The following CNKSR1 variants were observed in gnomAD, a reference collection of about 807,000 sequenced individuals.
CNKSR1 encodes CNK homolog protein 1.
Under a neutral mutation model 95.6 loss-of-function variants are expected in CNKSR1, and 88 were observed. That is an observed-to-expected ratio of 0.92 (90% CI 0.78 to 1.10). CNKSR1 has a LOEUF of 1.10. Among genes scored for constraint, CNKSR1 ranks in the 50% least tolerant of loss-of-function variants. The probability of loss-of-function intolerance (pLI) is 0.00; values close to 1 mark genes in which losing one functional copy is unlikely to be tolerated. For missense variants in CNKSR1, 836 were observed against 912.0 expected (o/e 0.92, Z 1.07); for synonymous variants, 355 against 369.7 (o/e 0.96, Z 0.46).
In CNKSR1 at chr1:26,185,186, G is replaced by C. The variant is rs1331244931; in HGVS notation, c.1308G>C (p.Gln436His). ...GHTLYWYRQP[Q>H]DEKAEGLINV... ...CGCTCTACTGGTACCGCCAGCCCCAGGTAAGACCCCATACACAAAAACAGG... is the reference window on the plus strand; with the variant it reads ...CGCTCTACTGGTACCGCCAGCCCCACGTAAGACCCCATACACAAAAACAGG... Residue 436 changes from glutamine (Q) to histidine (H), a missense_variant and splice_region_variant, in exon 14 of 21, where the codon CAG becomes CAC. Coordinates refer to ENST00000361530, the MANE Select transcript of CNKSR1 (RefSeq NM_006314.3). The C allele has an allele frequency of 1.9e-6, 3 of 1,552,660 alleles. No homozygotes were observed. The highest frequency in any genetic ancestry group is 2.4e-5 in the South Asian group (2 of 84,300).
chr1:26,189,215 T>C (rs912267479), intron 20 of CNKSR1, 64 bp from the exon 21 acceptor site: 1 of 1,594,504 alleles, frequency 6.3e-7, no homozygotes, highest in Non-Finnish European at 8.6e-7. Context: ...GAGTGAAGTC[T>C]GGCCTCGGGC....
At chr1:26,184,879 A>T in intron 13 of CNKSR1, 135 bp from the exon 14 acceptor site, 1 of 958,418 alleles carries the variant, frequency 1.0e-6, no homozygotes, top group Non-Finnish European at 1.5e-6. Context: ...CACCTCAGAG[A>T]TGACACATGT....
intron 12 of CNKSR1, 26 bp downstream of exon 12, chr1:26,184,533 G>T: frequency 6.2e-7 from 1 of 1,607,406 alleles, no homozygotes; most frequent in Non-Finnish European, 8.5e-7. Flanking sequence ...TAGCAAGGGG[G>T]TGGGTGGGTC....
intron 16 of CNKSR1, 135 bp downstream of exon 16, chr1:26,187,617 T>TCA: frequency 1.4e-6 from 1 of 709,470 alleles, no homozygotes; most frequent in Non-Finnish European, 2.3e-6. Context: ...CACTTCTCTT[T>TCA]CTCTTTTTTT....
intron 3 of CNKSR1, chr1:26,181,505 T>G (rs2088647502): frequency 3.6e-6 from 1 of 275,936 alleles, no homozygotes. Context: ...CCTTCCCTGT[T>G]GTACACTCTC....
intron 1 of CNKSR1, among the ~76,000 whole-genome samples, chr1:26,179,547 G>A (rs1022561423): frequency 6.6e-6 from 1 of 152,138 alleles, no homozygotes; most frequent in Non-Finnish European, 1.5e-5. Flanking sequence ...ATCATACAGG[G>A]CCTGTAGGTC....
In CNKSR1 at chr1:26,188,954, G is replaced by A; in HGVS notation, c.1872+1G>A. 2 of 1,612,990 alleles carry A rather than the reference G, an allele frequency of 1.2e-6. No individual in the cohort carries two copies. The highest frequency in any genetic ancestry group is 1.7e-6 in the Non-Finnish European group (2 of 1,179,450). On this transcript the variant is annotated splice_donor_variant, in intron 20 of 20. Coordinates refer to ENST00000361530, the MANE Select transcript of CNKSR1 (RefSeq NM_006314.3). LOFTEE classifies it high-confidence loss of function. ...GCGGGCGCTACAGAGCACACTCAAG[G>A]TCAGCTGGGGGGCTCTGGGCACAGC...
At position 26,184,294 on chromosome 1, in the gene CNKSR1, T is replaced by C. The variant is rs1362831743; in HGVS notation, c.1000+7T>C. The C allele has an allele frequency of 3.1e-6, 5 of 1,613,422 alleles. No homozygotes were observed. The highest frequency in any genetic ancestry group is 4.2e-6 in the Non-Finnish European group (5 of 1,179,698). Reference sequence around the variant, plus strand: ...CCCAGCCCTGCCTGGACAGGTAGTCTCAAAGCTCCATGGATGCCCCGGACA... The same window carrying C: ...CCCAGCCCTGCCTGGACAGGTAGTCCCAAAGCTCCATGGATGCCCCGGACA... On this transcript the variant is annotated splice_region_variant and intron_variant, in intron 11 of 20. Transcript: ENST00000361530.
At chr1:26,178,149 A>G (rs930325765) in intron 1 of CNKSR1, among the ~76,000 whole-genome samples, 4 of 152,166 alleles carry the variant, frequency 2.6e-5, no homozygotes, top group Non-Finnish European at 4.4e-5. Context: ...AGAGGCCTCT[A>G]GGGTGATAAT....
At chr1:26,179,871 C>G (rs1569871444) in intron 1 of CNKSR1, among the ~76,000 whole-genome samples, 1 of 152,130 alleles carries the variant, frequency 6.6e-6, no homozygotes, top group East Asian at 1.9e-4. Context: ...CGTCGTGGCT[C>G]ACACCTGTAA....
chr1:26,182,041 T>C, intron 4 of CNKSR1, 100 bp downstream of exon 4: 1 of 1,173,448 alleles, frequency 8.5e-7, no homozygotes, highest in Non-Finnish European at 1.3e-6. Context: ...AGTATGAGGA[T>C]TGAGACGGGC....
intron 2 of CNKSR1, 47 bp downstream of exon 2, chr1:26,180,657 G>A (rs1008759011): frequency 6.2e-7 from 1 of 1,614,108 alleles, no homozygotes; most frequent in Non-Finnish European, 8.5e-7. Flanking sequence ...CCAACCTGGG[G>A]GGTGTGATGG....
At chr1:26,178,295 G>A (rs1461467913) in intron 1 of CNKSR1, among the ~76,000 whole-genome samples, 1 of 152,208 alleles carries the variant, frequency 6.6e-6, no homozygotes, top group East Asian at 1.9e-4. Flanking sequence ...GACACACAGA[G>A]CCAGGAAATG....
At chr1:26,180,086 T>C (rs1479002658) in intron 1 of CNKSR1, 1 of 337,570 alleles carries the variant, frequency 3.0e-6, no homozygotes, top group Admixed American at 4.4e-5. Flanking sequence ...CAGTGAGCCG[T>C]GACTGTGTCT....
At chr1:26,182,683 G>A (rs2088667682) in intron 6 of CNKSR1, 99 bp downstream of exon 6, 1 of 1,120,210 alleles carries the variant, frequency 8.9e-7, no homozygotes, top group Non-Finnish European at 1.3e-6. Flanking sequence ...GTGCTGCCAT[G>A]GCTGGAAAGC....
intron 3 of CNKSR1, chr1:26,181,649 C>T (rs1239278171): frequency 3.3e-6 from 2 of 599,626 alleles, no homozygotes; most frequent in Admixed American, 4.9e-5. Context: ...TCCCCAGTGC[C>T]TAGAACAGGG....
intron 14 of CNKSR1, among the ~76,000 whole-genome samples, chr1:26,185,586 G>A (rs1048918371): frequency 3.3e-5 from 5 of 151,928 alleles, no homozygotes; most frequent in Admixed American, 6.6e-5. Context: ...TAGAGACAGG[G>A]TTTCACCGTG....
intron 1 of CNKSR1, among the ~76,000 whole-genome samples, chr1:26,178,614 G>A (rs571199279): frequency 1.6e-4 from 24 of 152,296 alleles, no homozygotes; most frequent in African/African-American, 5.8e-4. Flanking sequence ...GCCCGGGTAA[G>A]GGCAGGAATT....
intron 1 of CNKSR1, 49 bp from the exon 2 acceptor site, chr1:26,180,404 A>G (rs771291909): frequency 1.2e-6 from 2 of 1,609,526 alleles, no homozygotes; most frequent in Non-Finnish European, 8.5e-7. Flanking sequence ...CCATCCCAAA[A>G]GGTCCTGACA....
Sources: gnomAD v4.1 joint callset for allele counts (sites outside exome capture counted in the v4.1 genomes callset) on GRCh38, gnomAD v4.1.1 for gene constraint, MANE v1.5 for transcripts, NCBI Gene and HGNC (gene_info 2026-07-23, HGNC 2026-07-21) for gene names.